CCDC91: variants seen among roughly 807,000 people sequenced by gnomAD.
CCDC91 encodes the protein coiled-coil domain containing 91.
CCDC91 carries 48 observed loss-of-function variants against 63.2 expected under a neutral mutation model. That is an observed-to-expected ratio of 0.76 (90% CI 0.60 to 0.97). The LOEUF (loss-of-function observed/expected upper bound fraction) is 0.97. Ranked by LOEUF, CCDC91 falls within the 50% of genes least tolerant of loss-of-function variation. The pLI is 0.00. For missense variants in CCDC91, 500 were observed against 494.6 expected (o/e 1.01, Z -0.10); for synonymous variants, 167 against 165.8 (o/e 1.01, Z -0.06).
chr12:28,315,977 A>T (rs150328191), intron 6 of CCDC91, among the ~76,000 whole-genome samples: 2 of 151,920 alleles, frequency 1.3e-5, no homozygotes, highest in African/African-American at 4.8e-5. Flanking sequence ...AGAAATTCCT[A>T]TTCTTTCTAT....
chr12:28,487,442 A>G (rs1951783382), intron 12 of CCDC91, among the ~76,000 whole-genome samples: 1 of 151,712 alleles, frequency 6.6e-6, no homozygotes, highest in Admixed American at 6.6e-5. Flanking sequence ...GGTTTGGAAA[A>G]TTTTCATACA....
chr12:28,250,587 C>T (rs1287435955), intron 1 of CCDC91, among the ~76,000 whole-genome samples: 1 of 152,048 alleles, frequency 6.6e-6, no homozygotes. Context: ...TCAATGCTAG[C>T]AACTGGGTCT....
At chr12:28,369,828 C>T (rs78500430) in intron 7 of CCDC91, among the ~76,000 whole-genome samples, 38,421 of 152,108 alleles carry the variant, frequency 0.25, 5,361 homozygotes, top group East Asian at 0.56. Flanking sequence ...GGGGCTTACA[C>T]CCTCTGAGGC....
chr12:28,191,353 T>C (rs1448693781), intron 1 of CCDC91: 2 of 152,318 alleles, frequency 1.3e-5, no homozygotes, highest in African/African-American at 4.8e-5. Flanking sequence ...ATGTTGCTGC[T>C]GCTACTCTCA....
chr12:28,520,835 TC>T (rs1940555082), intron 12 of CCDC91, among the ~76,000 whole-genome samples: 1 of 152,232 alleles, frequency 6.6e-6, no homozygotes, highest in Admixed American at 6.5e-5. Flanking sequence ...GGGAATCGTT[TC>T]CCCATTTCTT....
intron 1 of CCDC91, among the ~76,000 whole-genome samples, chr12:28,223,270 T>A (rs1405091232): frequency 6.6e-6 from 1 of 152,156 alleles, no homozygotes; most frequent in Non-Finnish European, 1.5e-5. Flanking sequence ...CTTTACTTAT[T>A]TACTTAAAGG....
chr12:28,536,706 T>G (rs1394750405), intron 12 of CCDC91, among the ~76,000 whole-genome samples: 1 of 152,196 alleles, frequency 6.6e-6, no homozygotes, highest in Non-Finnish European at 1.5e-5. Flanking sequence ...ATAAGAAGTT[T>G]ACTTTCAGCA....
chr12:28,398,988 A>G (rs1257181556), intron 8 of CCDC91, among the ~76,000 whole-genome samples: 2 of 152,000 alleles, frequency 1.3e-5, no homozygotes, highest in Non-Finnish European at 2.9e-5. Flanking sequence ...AAGCTTTTTA[A>G]TTTTTATTTC....
chr12:28,362,222 C>G (rs958913494), intron 6 of CCDC91, among the ~76,000 whole-genome samples: 1 of 149,776 alleles, frequency 6.7e-6, no homozygotes, highest in Non-Finnish European at 1.5e-5. Context: ...TCCTTTTTCT[C>G]TTGTTTCCCT....
intron 6 of CCDC91, among the ~76,000 whole-genome samples, chr12:28,339,201 G>A (rs1030725082): frequency 6.6e-6 from 1 of 152,130 alleles, no homozygotes; most frequent in Non-Finnish European, 1.5e-5. Context: ...CTAACGTGAA[G>A]CATGAAGGAA....
At chr12:28,510,088 A>G (rs1939201863) in intron 12 of CCDC91, among the ~76,000 whole-genome samples, 1 of 151,710 alleles carries the variant, frequency 6.6e-6, no homozygotes. Flanking sequence ...AAGGATGGAG[A>G]AGCTGGTTTT....
chr12:28,409,622 T>TA (rs1947191604), intron 8 of CCDC91, among the ~76,000 whole-genome samples: 1 of 152,106 alleles, frequency 6.6e-6, no homozygotes, highest in South Asian at 2.1e-4. Flanking sequence ...TCTAGTGTTT[T>TA]AAAATAGGGG....
intron 8 of CCDC91, among the ~76,000 whole-genome samples, chr12:28,449,236 A>ATT (rs1378709173): frequency 2.0e-4 from 30 of 152,222 alleles, no homozygotes; most frequent in Non-Finnish European, 4.3e-4. Flanking sequence ...AATGTTTTAA[A>ATT]TAAGAACAAC....
chr12:28,310,326 C>G (rs757147019), intron 6 of CCDC91, among the ~76,000 whole-genome samples: 1 of 151,966 alleles, frequency 6.6e-6, no homozygotes, highest in African/African-American at 2.4e-5. Flanking sequence ...ACGTATATCA[C>G]TTTGGGTTGT....
intron 12 of CCDC91, among the ~76,000 whole-genome samples, chr12:28,516,900 A>T (rs1940010657): frequency 6.6e-6 from 1 of 151,968 alleles, no homozygotes; most frequent in Non-Finnish European, 1.5e-5. Flanking sequence ...TTACAATGGC[A>T]GTTAGATTTC....
chr12:28,371,633 C>G (rs979547604), intron 7 of CCDC91, among the ~76,000 whole-genome samples: 3 of 152,204 alleles, frequency 2.0e-5, no homozygotes, highest in Admixed American at 2.0e-4. Context: ...TCCAATTATG[C>G]TGTCATTTAA....
chr12:28,279,899 T>A (rs569388077), intron 3 of CCDC91, among the ~76,000 whole-genome samples: 22 of 144,936 alleles, frequency 1.5e-4, no homozygotes, highest in African/African-American at 5.3e-4. Flanking sequence ...GATGCAGTGT[T>A]CATACACTTT....
At chr12:28,474,980 A>G (rs1951009340) in intron 11 of CCDC91, among the ~76,000 whole-genome samples, 1 of 152,078 alleles carries the variant, frequency 6.6e-6, no homozygotes, top group Non-Finnish European at 1.5e-5. Context: ...TAAGGATGGA[A>G]TTCATAGGAA....
chr12:28,489,288 A>G (rs560759767), intron 12 of CCDC91, among the ~76,000 whole-genome samples: 2 of 152,092 alleles, frequency 1.3e-5, no homozygotes, highest in East Asian at 3.9e-4. Context: ...ATAATACATC[A>G]TATCTGATCA....
Sources: allele counts gnomAD v4.1 joint callset (sites outside exome capture counted in the v4.1 genomes callset), GRCh38; gene constraint gnomAD v4.1.1; transcripts MANE v1.5; gene names NCBI Gene and HGNC (gene_info 2026-07-23, HGNC 2026-07-21).